UNC13C: variants seen among roughly 807,000 people sequenced by gnomAD.
The protein encoded by UNC13C is protein unc-13 homolog C.
UNC13C carries 174 observed loss-of-function variants against 245.4 expected under a neutral mutation model. The observed-to-expected ratio is 0.71, with a 90% CI of 0.63 to 0.80. The LOEUF (loss-of-function observed/expected upper bound fraction) is 0.80, where lower values mean the gene tolerates loss of function less well. Among genes scored for constraint, UNC13C ranks in the 30% least tolerant of loss-of-function variants. The probability of loss-of-function intolerance (pLI) is 0.00; values close to 1 mark genes in which losing one functional copy is unlikely to be tolerated. For synonymous variants in UNC13C, 992 were observed against 895.1 expected, an observed-to-expected ratio of 1.11 and a Z score of -1.93; for missense variants, 2,829 against 2,602.9, an observed-to-expected ratio of 1.09 and a Z score of -1.89.
rs1006045925 is a variant in UNC13C at position 54,300,516 on chromosome 15, C to T, written c.4268+143C>T. 6.3e-6 allele frequency: 5 copies of T among 796,346 alleles called. No homozygotes were observed. The East Asian group carries it at 1.1e-4, about 17-fold the overall frequency. The allele number at this position is 796,346 out of a possible 1,614,324, so 49.3% of individuals were successfully genotyped here. On this transcript the variant is annotated intron_variant, in intron 13 of 32. Transcript: ENST00000260323. ...CTGTGCATGTTTGATGCTGACTACT[C>T]TCTCTTACAGCTGTAAAGTATTAAT...
At chr15:54,107,180 A>C (rs959234524) in intron 2 of UNC13C, among the ~76,000 whole-genome samples, 5 of 151,866 alleles carry the variant, frequency 3.3e-5, no homozygotes, top group Admixed American at 1.3e-4. Flanking sequence ...TCAAATCTTA[A>C]TTCCATATTG....
At chr15:54,578,791 G>C (rs207475504) in intron 30 of UNC13C, among the ~76,000 whole-genome samples, 1 of 152,170 alleles carries the variant, frequency 6.6e-6, no homozygotes. Context: ...AACTGCTTGA[G>C]GTCAGCAGTT....
At chr15:54,256,792 T>A (rs1183092526) in intron 8 of UNC13C, among the ~76,000 whole-genome samples, 1 of 152,190 alleles carries the variant, frequency 6.6e-6, no homozygotes, top group Admixed American at 6.5e-5. Flanking sequence ...CAATTATACT[T>A]CCTAAAGCAA....
intron 2 of UNC13C, among the ~76,000 whole-genome samples, chr15:54,097,946 A>T (rs11633417): frequency 6.6e-6 from 1 of 152,238 alleles, no homozygotes; most frequent in Admixed American, 6.5e-5. Context: ...CATTTCATGT[A>T]TGCGAAATGA....
intron 2 of UNC13C, among the ~76,000 whole-genome samples, chr15:54,089,089 CT>C: frequency 1.3e-5 from 2 of 152,318 alleles, no homozygotes; most frequent in African/African-American, 4.8e-5. Context: ...GTGCTTACCC[CT>C]CTGCCTCTTT....
intron 2 of UNC13C, among the ~76,000 whole-genome samples, chr15:54,059,453 T>G (rs1315028233): frequency 2.6e-5 from 4 of 151,922 alleles, no homozygotes; most frequent in African/African-American, 7.3e-5. Flanking sequence ...CACTGCTCAA[T>G]GAAATAAAAG....
At chr15:53,843,240 A>C in the UNC13C span, among the ~76,000 whole-genome samples, 3 of 152,068 alleles carry the variant, frequency 2.0e-5, no homozygotes, top group East Asian at 5.8e-4. Flanking sequence ...GTGAGTTTGA[A>C]ACCAGCCTGG....
chr15:54,302,816 GT>G (rs1302451454), intron 13 of UNC13C, among the ~76,000 whole-genome samples: 1 of 152,058 alleles, frequency 6.6e-6, no homozygotes, highest in African/African-American at 2.4e-5. Flanking sequence ...AAGAAAGTCA[GT>G]GGTAGCTTGA....
chr15:54,038,125 T>TATATA (rs1491459554), intron 2 of UNC13C, among the ~76,000 whole-genome samples: 8 of 28,448 alleles, frequency 2.8e-4, no homozygotes, highest in African/African-American at 4.6e-4. Flanking sequence ...TATATATATA[T>TATATA]TTTTTTTTTT....
At chr15:54,354,408 T>C (rs1567209834) in intron 17 of UNC13C, among the ~76,000 whole-genome samples, 1 of 152,214 alleles carries the variant, frequency 6.6e-6, no homozygotes, top group Non-Finnish European at 1.5e-5. Flanking sequence ...CTACTGATTC[T>C]GTTAGCCTTA....
At chr15:54,408,026 T>C (rs563776389) in intron 18 of UNC13C, among the ~76,000 whole-genome samples, 22 of 151,160 alleles carry the variant, frequency 1.5e-4, no homozygotes, top group South Asian at 4.2e-4. Flanking sequence ...ACGGTGAAAC[T>C]CCGTCTCTAC....
intron 17 of UNC13C, among the ~76,000 whole-genome samples, chr15:54,369,468 G>A (rs1467337987): frequency 6.6e-6 from 1 of 151,952 alleles, no homozygotes; most frequent in Non-Finnish European, 1.5e-5. Context: ...AATGATTCAG[G>A]CATTAATAAG....
chr15:53,877,569 C>T, the UNC13C span, among the ~76,000 whole-genome samples: 1 of 149,136 alleles, frequency 6.7e-6, no homozygotes, highest in Non-Finnish European at 1.5e-5. Flanking sequence ...TTTGTGGATA[C>T]AGAGAGAGAG....
intron 13 of UNC13C, among the ~76,000 whole-genome samples, chr15:54,312,355 C>A (rs1209529477): frequency 6.6e-6 from 1 of 151,684 alleles, no homozygotes; most frequent in Non-Finnish European, 1.5e-5. Context: ...TTTGAAAGAC[C>A]AGCCCCTAAA....
chr15:54,173,124 C>A (rs2033479348), intron 4 of UNC13C, among the ~76,000 whole-genome samples: 1 of 151,882 alleles, frequency 6.6e-6, no homozygotes, highest in Admixed American at 6.6e-5. Flanking sequence ...ATCATAACTT[C>A]TATAACTTGA....
intron 13 of UNC13C, among the ~76,000 whole-genome samples, chr15:54,310,358 C>T (rs1297217435): frequency 2.6e-5 from 4 of 151,868 alleles, no homozygotes; most frequent in Admixed American, 2.6e-4. Flanking sequence ...AATTGAACCT[C>T]CTATAGAAGC....
At chr15:53,987,077 T>A (rs1894176348) in intron 1 of UNC13C, among the ~76,000 whole-genome samples, 2 of 152,076 alleles carry the variant, frequency 1.3e-5, no homozygotes, top group Non-Finnish European at 2.9e-5. Flanking sequence ...TATAATGTCA[T>A]GAGAGATTCT....
intron 10 of UNC13C, among the ~76,000 whole-genome samples, chr15:54,279,571 A>C (rs925370167): frequency 1.3e-5 from 2 of 152,206 alleles, no homozygotes; most frequent in African/African-American, 4.8e-5. Context: ...ATTGCCTCAA[A>C]GTTTCTTGAA....
In UNC13C at chr15:54,553,452, T is replaced by C. The variant is rs1246271179; in HGVS notation, c.5878-1980T>C. Reference sequence around the variant, plus strand: ...TATAATATATAATATAATTATAATATATAATATATATTACAGAAAACATTT... The same window carrying C: ...TATAATATATAATATAATTATAATACATAATATATATTACAGAAAACATTT... On this transcript the variant is annotated intron_variant, in intron 28 of 32. Coordinates refer to ENST00000260323, the MANE Select transcript of UNC13C (RefSeq NM_001080534.3). Among the ~76,000 whole-genome samples the C allele has an allele frequency of 2.2e-5, 3 of 136,698 alleles. 1 individual carries two copies. Among genetic ancestry groups the C allele is most frequent in the Non-Finnish European group, 4.6e-5 (3 of 65,166 alleles). The allele number at this position is 136,698 out of a possible 152,430, so 89.7% of individuals were successfully genotyped here.
Sources: gnomAD v4.1 joint callset for allele counts (sites outside exome capture counted in the v4.1 genomes callset) on GRCh38, gnomAD v4.1.1 for gene constraint, MANE v1.5 for transcripts, NCBI Gene and HGNC (gene_info 2026-07-23, HGNC 2026-07-21) for gene names.